The following SLC71A1 variants were observed in gnomAD, a reference collection of about 807,000 sequenced individuals.
SLC71A1 encodes hippocampus abundant gene transcript 1.
At chr1:100,074,064 A>G in the SLC71A1 span, among the ~76,000 whole-genome samples, 12 of 152,186 alleles carry the variant, frequency 7.9e-5, no homozygotes, top group Non-Finnish European at 1.3e-4. Flanking sequence ...CCTGCCTTCA[A>G]GAAGAAAATC....
chr1:100,073,888 C>T, the SLC71A1 span, among the ~76,000 whole-genome samples: 1 of 152,046 alleles, frequency 6.6e-6, no homozygotes, highest in Non-Finnish European at 1.5e-5. Flanking sequence ...TTAAGGGACA[C>T]CAAAAATTTT....
the SLC71A1 span, among the ~76,000 whole-genome samples, chr1:100,040,019 C>T: frequency 2.6e-5 from 4 of 152,156 alleles, no homozygotes; most frequent in African/African-American, 9.7e-5. Context: ...TTTGCACCAG[C>T]AATAGGTTTC....
the SLC71A1 span, among the ~76,000 whole-genome samples, chr1:100,054,490 C>T: frequency 6.6e-6 from 1 of 152,056 alleles, no homozygotes; most frequent in African/African-American, 2.4e-5. Flanking sequence ...GGATTACAGG[C>T]GTGAGCCACT....
At chr1:100,075,639 A>G in the SLC71A1 span, among the ~76,000 whole-genome samples, 1 of 152,166 alleles carries the variant, frequency 6.6e-6, no homozygotes, top group Non-Finnish European at 1.5e-5. Flanking sequence ...AATCATTTCT[A>G]ATCTTTCTGA....
the SLC71A1 span, among the ~76,000 whole-genome samples, chr1:100,054,828 C>T: frequency 6.6e-6 from 1 of 152,072 alleles, no homozygotes; most frequent in Non-Finnish European, 1.5e-5. Context: ...TTACAACATT[C>T]GAATTACTTG....
At chr1:100,073,090 C>T in the SLC71A1 span, among the ~76,000 whole-genome samples, 2 of 152,084 alleles carry the variant, frequency 1.3e-5, no homozygotes, top group Admixed American at 6.5e-5. Flanking sequence ...GAAGCCTTAG[C>T]GACATTCATG....
the SLC71A1 span, among the ~76,000 whole-genome samples, chr1:100,051,429 T>G: frequency 1.3e-5 from 2 of 151,094 alleles, no homozygotes; most frequent in Non-Finnish European, 2.9e-5. Context: ...AGCATGTTCA[T>G]GAGTATTGCT....
chr1:100,046,226 T>TG, the SLC71A1 span, among the ~76,000 whole-genome samples: 1 of 104,762 alleles, frequency 9.5e-6, no homozygotes, highest in African/African-American at 4.0e-5. Context: ...TTTTTTTTTT[T>TG]TTTTTTTTTT....
the SLC71A1 span, among the ~76,000 whole-genome samples, chr1:100,039,829 C>T: frequency 6.6e-6 from 1 of 152,150 alleles, no homozygotes; most frequent in Non-Finnish European, 1.5e-5. Flanking sequence ...AACACAGCTT[C>T]CTTTTCCTTG....
At chr1:100,052,881 T>A in the SLC71A1 span, among the ~76,000 whole-genome samples, 1 of 151,938 alleles carries the variant, frequency 6.6e-6, no homozygotes, top group Non-Finnish European at 1.5e-5. Context: ...CCTCCCAGGT[T>A]CAAGCAATTC....
chr1:100,057,676 A>G, the SLC71A1 span, among the ~76,000 whole-genome samples: 3 of 152,046 alleles, frequency 2.0e-5, no homozygotes, highest in Non-Finnish European at 2.9e-5. Context: ...TTTACTTACA[A>G]TGAGCACATT....
the SLC71A1 span, chr1:100,077,254 G>C: frequency 6.4e-7 from 1 of 1,571,188 alleles, no homozygotes; most frequent in Non-Finnish European, 8.7e-7. Flanking sequence ...AGTTGGCATG[G>C]TATGGCTTTG....
the SLC71A1 span, chr1:100,059,762 A>G: frequency 3.7e-6 from 3 of 813,692 alleles, 1 homozygote; most frequent in African/African-American, 3.5e-5. Flanking sequence ...AAAGTTTGTG[A>G]TATATTTACT....
chr1:100,048,082 G>A, the SLC71A1 span, among the ~76,000 whole-genome samples: 1 of 152,026 alleles, frequency 6.6e-6, no homozygotes, highest in Non-Finnish European at 1.5e-5. Context: ...AAATTAGCAT[G>A]CTTTAAGCCC....
At chr1:100,038,846 C>G in the SLC71A1 span, among the ~76,000 whole-genome samples, 4 of 152,220 alleles carry the variant, frequency 2.6e-5, no homozygotes, top group Admixed American at 6.5e-5. Flanking sequence ...CGTCGGTGCT[C>G]CGGCTCTGGG....
At chr1:100,071,470 C>CA in the SLC71A1 span, among the ~76,000 whole-genome samples, 13 of 149,222 alleles carry the variant, frequency 8.7e-5, no homozygotes, top group East Asian at 9.8e-4. Context: ...GACCCTGTCT[C>CA]AAAAAAAAAG....
chr1:100,042,188 A>G, the SLC71A1 span, among the ~76,000 whole-genome samples: 7 of 152,168 alleles, frequency 4.6e-5, no homozygotes, highest in Non-Finnish European at 1.0e-4. Flanking sequence ...TTGGCCATAC[A>G]ATTGTGGAAC....
chr1:100,082,537 G>T, the SLC71A1 span: 1 of 285,226 alleles, frequency 3.5e-6, no homozygotes, highest in Non-Finnish European at 6.8e-6. Context: ...TTTCCTTAAG[G>T]TGTTGAGCTT....
the SLC71A1 span, among the ~76,000 whole-genome samples, chr1:100,050,187 G>T: frequency 6.6e-6 from 1 of 151,850 alleles, no homozygotes; most frequent in Non-Finnish European, 1.5e-5. Context: ...TTTTTGGGAG[G>T]GGGGTGGCGT....
Sources: allele counts gnomAD v4.1 joint callset (sites outside exome capture counted in the v4.1 genomes callset), GRCh38; gene constraint gnomAD v4.1.1; transcripts MANE v1.5; gene names NCBI Gene and HGNC (gene_info 2026-07-23, HGNC 2026-07-21).